Variants in MCC observed in about 807,000 individuals in gnomAD.
MCC encodes the protein MCC regulator of Wnt signaling pathway.
In MCC, 90 loss-of-function variants were observed where a neutral mutation model predicts 116.2. The ratio of observed to expected loss-of-function variants is 0.77; its 90% CI spans 0.65 to 0.92. The LOEUF (loss-of-function observed/expected upper bound fraction) is 0.92. Among genes scored for constraint, MCC ranks in the 40% least tolerant of loss-of-function variants. MCC has a pLI of 0.00. For synonymous variants in MCC, 578 were observed against 510.5 expected, an observed-to-expected ratio of 1.13 and a Z score of -1.78; for missense variants, 1,516 against 1,312.2, an observed-to-expected ratio of 1.16 and a Z score of -2.40.
chr5:113,170,349 T>C (rs1174636490), intron 3 of MCC, among the ~76,000 whole-genome samples: 1 of 152,218 alleles, frequency 6.6e-6, no homozygotes, highest in Non-Finnish European at 1.5e-5. Context: ...CTTGTAGAAT[T>C]GGGCAATATA....
chr5:113,365,770 A>C (rs1768671573), intron 2 of MCC, among the ~76,000 whole-genome samples: 1 of 152,226 alleles, frequency 6.6e-6, no homozygotes, highest in Non-Finnish European at 1.5e-5. Flanking sequence ...GCCTCAGGAA[A>C]CTTAGAATCA....
chr5:113,443,737 G>C (rs1771119789), intron 1 of MCC, among the ~76,000 whole-genome samples: 1 of 152,142 alleles, frequency 6.6e-6, no homozygotes, highest in African/African-American at 2.4e-5. Flanking sequence ...GGCCTTTTCT[G>C]TATCTCTTGA....
At chr5:113,148,301 A>G (rs1478685431) in intron 4 of MCC, among the ~76,000 whole-genome samples, 2 of 152,202 alleles carry the variant, frequency 1.3e-5, no homozygotes, top group Non-Finnish European at 2.9e-5. Flanking sequence ...TTAATACAGA[A>G]GCACTTTGTC....
intron 3 of MCC, among the ~76,000 whole-genome samples, chr5:113,252,432 G>T (rs112155826): frequency 6.6e-6 from 1 of 152,164 alleles, no homozygotes; most frequent in African/African-American, 2.4e-5. Context: ...AACTGAGCAC[G>T]TGAGGGATCT....
chr5:113,170,029 G>A (rs1265941512), intron 3 of MCC, among the ~76,000 whole-genome samples: 1 of 152,126 alleles, frequency 6.6e-6, no homozygotes, highest in African/African-American at 2.4e-5. Context: ...CAGCTACTAT[G>A]GTAGAATTAG....
intron 1 of MCC, among the ~76,000 whole-genome samples, chr5:113,483,094 A>G (rs1236662355): frequency 6.6e-6 from 1 of 152,174 alleles, no homozygotes; most frequent in Non-Finnish European, 1.5e-5. Flanking sequence ...ATGTAGGTTT[A>G]TCCCTGGACT....
rs185280735 is a variant in MCC at position 113,339,938 on chromosome 5, C to T, written c.627+581G>A. 1.8e-3 allele frequency among the ~76,000 whole-genome samples: 273 copies of T among 152,356 alleles called. 2 individuals are homozygous for T. The highest frequency in any genetic ancestry group is 6.1e-3 in the African/African-American group (254 of 41,588). ...ATGTCACCCAAAATGGCCAGGCCAT[C>T]GGCCACCCGCCTCATTTGGCAGCCC... is the stretch of plus-strand genomic sequence containing the variant. On this transcript the variant is annotated intron_variant, in intron 3 of 18. Coordinates refer to ENST00000408903, the MANE Select transcript of MCC (RefSeq NM_001085377.2).
At chr5:113,371,502 A>G (rs957604112) in intron 2 of MCC, among the ~76,000 whole-genome samples, 1 of 152,246 alleles carries the variant, frequency 6.6e-6, no homozygotes, top group African/African-American at 2.4e-5. Context: ...CTGACACGGT[A>G]ATATTTTTGT....
At chr5:113,427,846 C>G (rs553382492) in intron 1 of MCC, among the ~76,000 whole-genome samples, 16 of 152,226 alleles carry the variant, frequency 1.1e-4, no homozygotes, top group Non-Finnish European at 1.9e-4. Context: ...AACATTCATA[C>G]AAAAGTGAAC....
At chr5:113,123,631 G>A (rs1053384156) in intron 5 of MCC, among the ~76,000 whole-genome samples, 3 of 152,154 alleles carry the variant, frequency 2.0e-5, no homozygotes, top group African/African-American at 7.2e-5. Context: ...ACTTAGAATT[G>A]CAGTGTGTAT....
chr5:113,456,633 T>C (rs965095370), intron 1 of MCC, among the ~76,000 whole-genome samples: 3 of 129,622 alleles, frequency 2.3e-5, no homozygotes, highest in African/African-American at 1.0e-4. Flanking sequence ...ATTTTTTTTT[T>C]TTTTTTTTTT....
At chr5:113,209,439 C>T (rs184707420) in intron 3 of MCC, among the ~76,000 whole-genome samples, 61 of 152,262 alleles carry the variant, frequency 4.0e-4, no homozygotes, top group African/African-American at 1.3e-3. Flanking sequence ...CCTCCAAACC[C>T]AGCCCATAAA....
At chr5:113,183,566 C>A (rs1015301194) in intron 3 of MCC, among the ~76,000 whole-genome samples, 1 of 152,062 alleles carries the variant, frequency 6.6e-6, no homozygotes, top group Non-Finnish European at 1.5e-5. Flanking sequence ...TGGAAGGGGA[C>A]ATTCATTGGC....
chr5:113,127,579 G>C (rs1393386219), intron 5 of MCC, among the ~76,000 whole-genome samples: 1 of 152,132 alleles, frequency 6.6e-6, no homozygotes, highest in East Asian at 1.9e-4. Flanking sequence ...CTGTGGTTTT[G>C]ATTTCCATTT....
At chr5:113,477,650 T>C (rs1772268736) in intron 1 of MCC, among the ~76,000 whole-genome samples, 1 of 152,110 alleles carries the variant, frequency 6.6e-6, no homozygotes, top group Non-Finnish European at 1.5e-5. Context: ...CCAAGGCAGA[T>C]TAAATTTGTG....
chr5:113,200,533 T>TAA (rs1300211423), intron 3 of MCC, among the ~76,000 whole-genome samples: 1 of 152,010 alleles, frequency 6.6e-6, no homozygotes, highest in Non-Finnish European at 1.5e-5. Context: ...TGGTTCAACT[T>TAA]AAAAAAACAT....
intron 4 of MCC, 108 bp from the exon 5 acceptor site, chr5:113,143,468 G>T: frequency 1.7e-6 from 2 of 1,166,454 alleles, no homozygotes; most frequent in Non-Finnish European, 2.4e-6. Context: ...CACTGAGTAT[G>T]CCCCAAATAA....
chr5:113,144,901 C>T (rs920382605), intron 4 of MCC, among the ~76,000 whole-genome samples: 9 of 152,094 alleles, frequency 5.9e-5, no homozygotes, highest in Non-Finnish European at 7.4e-5. Flanking sequence ...AAAAAATAAG[C>T]GGGAACAAAG....
At chr5:113,214,173 T>C (rs895247288) in intron 3 of MCC, among the ~76,000 whole-genome samples, 2 of 152,194 alleles carry the variant, frequency 1.3e-5, no homozygotes, top group East Asian at 1.9e-4. Context: ...ACTTCAGCCA[T>C]GAAAAGCATC....
Sources: allele counts gnomAD v4.1 joint callset (sites outside exome capture counted in the v4.1 genomes callset), GRCh38; gene constraint gnomAD v4.1.1; transcripts MANE v1.5; gene names NCBI Gene and HGNC (gene_info 2026-07-23, HGNC 2026-07-21).